The following PCDHGA2 variants were observed in gnomAD, a reference collection of about 807,000 sequenced individuals.
PCDHGA2 encodes the protein protocadherin gamma-A2.
PCDHGA2 carries 40 observed loss-of-function variants against 59.2 expected under a neutral mutation model. The ratio of observed to expected loss-of-function variants is 0.68; its 90% CI spans 0.52 to 0.88. The LOEUF (loss-of-function observed/expected upper bound fraction) is 0.88, where lower values mean the gene tolerates loss of function less well. PCDHGA2 is among the 40% of genes least tolerant of loss of function. PCDHGA2 has a pLI of 0.00. For synonymous variants in PCDHGA2, 560 were observed against 526.0 expected, an observed-to-expected ratio of 1.06 and a Z score of -0.89; for missense variants, 1,226 against 1,204.0, an observed-to-expected ratio of 1.02 and a Z score of -0.27.
At chr5:141,394,494 G>A (rs771645801) in intron 1 of PCDHGA2, 4 of 1,614,200 alleles carry the variant, frequency 2.5e-6, no homozygotes, top group Non-Finnish European at 1.7e-6. Flanking sequence ...CAACGCGCCC[G>A]AGATCCTGTA....
intron 1 of PCDHGA2, chr5:141,366,565 G>T: frequency 1.2e-6 from 2 of 1,614,252 alleles, no homozygotes; most frequent in Non-Finnish European, 1.7e-6. Context: ...GCGTGGATGG[G>T]GTTCGGGCTT....
At chr5:141,428,466 A>G (rs1230267635) in intron 1 of PCDHGA2, 1 of 344,756 alleles carries the variant, frequency 2.9e-6, no homozygotes, top group Admixed American at 4.1e-5. Context: ...ACAATGAGGG[A>G]ACTTTGCTTT....
intron 1 of PCDHGA2, chr5:141,366,767 C>T (rs1286412324): frequency 5.0e-6 from 8 of 1,601,956 alleles, no homozygotes; most frequent in East Asian, 4.5e-5. Flanking sequence ...TTTTCTCTTT[C>T]GGTAAGGATG....
chr5:141,485,358 G>A lies in PCDHGA2; in HGVS notation c.2425-9449G>A, dbSNP rs372994272. The A allele has an allele frequency of 1.2e-6, 2 of 1,614,100 alleles. No homozygotes were observed. Among genetic ancestry groups the A allele is most frequent in the Admixed American group, 3.3e-5 (2 of 60,002 alleles). ...CTGGATACGGACAGTCTGTCAGCTC[G>A]CAGGCTGCAGGTCGCTGGAGAGGTG... is the stretch of plus-strand genomic sequence containing the variant. On this transcript the variant is annotated intron_variant, in intron 1 of 3. Transcript: ENST00000394576. This position sits in a 1 kb window ranked among gnomAD's most constrained non-coding sequence, Gnocchi z 5.7.
chr5:141,403,607 G>A (rs2094432931), intron 1 of PCDHGA2: 6 of 1,613,854 alleles, frequency 3.7e-6, no homozygotes, highest in Non-Finnish European at 5.1e-6. Flanking sequence ...GGATGGCGGC[G>A]AGCCGCGTCG....
At chr5:141,369,551 T>G (rs1335245789) in intron 1 of PCDHGA2, among the ~76,000 whole-genome samples, 1 of 152,156 alleles carries the variant, frequency 6.6e-6, no homozygotes, top group Non-Finnish European at 1.5e-5. Context: ...AAGTAGACAC[T>G]TGGAAACAAA....
intron 1 of PCDHGA2, chr5:141,352,585 T>A (rs748971088): frequency 6.2e-7 from 1 of 1,613,952 alleles, no homozygotes; most frequent in Non-Finnish European, 8.5e-7. Flanking sequence ...CCCCTCAGGA[T>A]CTGCTGTGTG....
At chr5:141,404,169 C>G in intron 1 of PCDHGA2, 4 of 1,612,736 alleles carry the variant, frequency 2.5e-6, no homozygotes, top group Non-Finnish European at 3.4e-6. Flanking sequence ...AGATTGTTGA[C>G]GGCCCAAATT....
chr5:141,390,542 G>A, intron 1 of PCDHGA2: 1 of 511,902 alleles, frequency 2.0e-6, no homozygotes, highest in South Asian at 2.4e-5. Context: ...TAACCACAAA[G>A]TGAAAGTGTT....
chr5:141,351,805 C>A, intron 1 of PCDHGA2: 3 of 1,613,350 alleles, frequency 1.9e-6, no homozygotes, highest in Non-Finnish European at 2.5e-6. Flanking sequence ...CGCAGCGCGC[C>A]TTCGACCACG....
At chr5:141,412,406 G>T (rs1278637068) in intron 1 of PCDHGA2, 1 of 152,046 alleles carries the variant, frequency 6.6e-6, no homozygotes, top group African/African-American at 2.4e-5. Context: ...ATCCCTGTAA[G>T]ATAAAGTATG....
At chr5:141,384,656 A>G in intron 1 of PCDHGA2, 1 of 1,614,192 alleles carries the variant, frequency 6.2e-7, no homozygotes, top group Non-Finnish European at 8.5e-7. Flanking sequence ...GAGCCCGGCT[A>G]CCTGGTGACC....
chr5:141,378,683 C>G (rs559332008), intron 1 of PCDHGA2: 9 of 152,254 alleles, frequency 5.9e-5, no homozygotes, highest in Admixed American at 5.9e-4. Context: ...AATATTTTAG[C>G]ATTTTAACCC....
intron 1 of PCDHGA2, among the ~76,000 whole-genome samples, chr5:141,439,532 C>T (rs1030997598): frequency 6.6e-6 from 1 of 152,202 alleles, no homozygotes; most frequent in Admixed American, 6.5e-5. Context: ...CTACAGAACG[C>T]TGTCCTCTCA....
intron 1 of PCDHGA2, chr5:141,415,772 T>TTTA (rs1561760673): frequency 5.3e-6 from 7 of 1,332,980 alleles, no homozygotes; most frequent in Non-Finnish European, 6.7e-6. Flanking sequence ...TTTTTTTTTT[T>TTTA]ACTTTCTGGT....
chr5:141,396,631 A>C lies in PCDHGA2; in HGVS notation c.2424+55236A>C, dbSNP rs1471198116. 7 of 152,348 alleles carry C rather than the reference A, an allele frequency of 4.6e-5. No homozygotes were observed. The South Asian group carries it at 6.2e-4, about 14-fold the overall frequency. 9.4% of individuals were successfully genotyped at this position (152,348 alleles called of 1,614,324 possible). On this transcript the variant is annotated intron_variant, in intron 1 of 3. Transcript: ENST00000394576. ...TGAGACTCCGTCTCAAAAAAAAAAAAAACTAATATTAATAGTAAAAACTCG... is the reference window on the plus strand; with the variant it reads ...TGAGACTCCGTCTCAAAAAAAAAAACAACTAATATTAATAGTAAAAACTCG...
intron 1 of PCDHGA2, chr5:141,410,847 GTCT>G: frequency 6.3e-6 from 1 of 158,248 alleles, no homozygotes. Context: ...TTTTGTCTTT[GTCT>G]TTTTTTTTTT....
At position 141,487,670 on chromosome 5, in the gene PCDHGA2, T is replaced by C. The variant is rs2099658277; in HGVS notation, c.2425-7137T>C. 2 of 1,612,302 alleles carry C rather than the reference T, an allele frequency of 1.2e-6. No homozygotes were observed. Among genetic ancestry groups the C allele is most frequent in the Non-Finnish European group, 1.7e-6 (2 of 1,179,082 alleles). On this transcript the variant is annotated intron_variant, in intron 1 of 3. Transcript: ENST00000394576. The surrounding 1 kb of genome is among the most constrained non-coding windows in gnomAD (Gnocchi z 5.0). The stretch of plus-strand genomic sequence containing the variant: ...TGAGGGTTATTCTGATCCAGGCATA[T>C]GGCTAGGCCATGTCCTAGAGAGTAC...
In PCDHGA2 at chr5:141,414,051, A is replaced by G. The variant is rs747091153; in HGVS notation, c.2424+72656A>G. ...CATTCCGAAAATTACCTGACACGCA[A>G]TTGTTGAAGTTCCAACTAAACAAAT... On this transcript the variant is annotated intron_variant, in intron 1 of 3. Coordinates refer to ENST00000394576, the MANE Select transcript of PCDHGA2 (RefSeq NM_018915.4). 5.0e-6 allele frequency: 8 copies of G among 1,610,748 alleles called. No individual in the cohort carries two copies. The Admixed American group carries it at 8.4e-5, about 17-fold the overall frequency.
Sources: gnomAD v4.1 joint callset for allele counts (sites outside exome capture counted in the v4.1 genomes callset) on GRCh38, gnomAD v4.1.1 for gene constraint, Gnocchi (gnomAD v3.1) non-coding constraint, MANE v1.5 for transcripts, NCBI Gene and HGNC (gene_info 2026-07-23, HGNC 2026-07-21) for gene names.